The following PMPCA variants were observed in gnomAD, a reference collection of about 807,000 sequenced individuals.
PMPCA encodes mitochondrial-processing peptidase subunit alpha.
A neutral mutation model predicts 59.3 loss-of-function variants in PMPCA; 47 were observed. The observed-to-expected ratio is 0.79, with a 90% CI of 0.63 to 1.01. The LOEUF is 1.01. Among genes scored for constraint, PMPCA ranks in the 50% least tolerant of loss-of-function variants. The pLI, the probability that PMPCA is intolerant of heterozygous loss-of-function variation, is 0.00. For synonymous variants in PMPCA, 338 were observed against 290.3 expected (o/e 1.16, Z -1.67); for missense variants, 726 against 704.5 (o/e 1.03, Z -0.34).
chr9:136,414,400 G>A (rs1835216023), intron 4 of PMPCA, among the ~76,000 whole-genome samples, 153 bp from the exon 5 acceptor site: 1 of 152,172 alleles, frequency 6.6e-6, no homozygotes, highest in South Asian at 2.1e-4. Flanking sequence ...GGTGCCCCTG[G>A]CATGCAAAGC....
At chr9:136,416,013 C>T (rs1038835350) in intron 5 of PMPCA, 8 of 541,290 alleles carry the variant, frequency 1.5e-5, no homozygotes, top group East Asian at 3.1e-5. Flanking sequence ...CCAGTGTCTT[C>T]GGTGCCTTTC....
intron 1 of PMPCA, among the ~76,000 whole-genome samples, 155 bp from the exon 2 acceptor site, chr9:136,411,842 C>A (rs1241513528): frequency 6.6e-6 from 1 of 152,224 alleles, no homozygotes; most frequent in Non-Finnish European, 1.5e-5. Context: ...TGTTGTCAGC[C>A]TCTGCTTTGT....
rs561780092 is a variant in PMPCA, at chr9:136,423,251, G to A, written c.1565G>A (p.Arg522Gln). ...SKDGRLPRTY[R>Q]LFR ...GACGGGCGCCTGCCCAGGACGTACC[G>A]GCTCTTCCGGTAGAACCGCTCCCCG... Residue 522 changes from arginine to glutamine, a missense_variant, in exon 13 of 13, where the codon CGG becomes CAG. Physicochemically the swap from Arg to Gln is conservative, Grantham distance 43. Coordinates refer to ENST00000371717, the MANE Select transcript of PMPCA (RefSeq NM_015160.3). 51 of 1,612,086 alleles carry A rather than the reference G, an allele frequency of 3.2e-5. No individual in the cohort carries two copies. In the African/African-American group the frequency reaches 3.5e-4, roughly 11 times the overall value.
At chr9:136,411,891 G>C in intron 1 of PMPCA, 106 bp from the exon 2 acceptor site, 1 of 715,904 alleles carries the variant, frequency 1.4e-6, no homozygotes, top group Middle Eastern at 3.7e-4. Context: ...TAGAAAGGCA[G>C]ATGCTCACTT....
rs767384133 is a variant in PMPCA, at chr9:136,410,715, G to C, written c.47G>C (p.Gly16Ala). ...LAATRLLRGS[G>A]SWGCSRLRFG... Reference sequence around the variant, plus strand: ...GCGACGCGGTTGCTGCGGGGCTCGGGTTCTTGGGGCTGTTCGCGGCTGAGG... The same window carrying C: ...GCGACGCGGTTGCTGCGGGGCTCGGCTTCTTGGGGCTGTTCGCGGCTGAGG... The change falls in exon 1 of 13, where the codon GGT (glycine) becomes GCT (alanine). Residue 16 changes from glycine (G) to alanine (A), a missense_variant. Transcript: ENST00000371717. 3 of 1,428,006 alleles carry C rather than the reference G, an allele frequency of 2.1e-6. No homozygotes were observed. Among genetic ancestry groups the C allele is most frequent in the Non-Finnish European group, 2.7e-6 (3 of 1,095,386 alleles). 88.5% of individuals were successfully genotyped at this position (1,428,006 alleles called of 1,614,324 possible). A position where few individuals can be genotyped will look rare whatever the true frequency, so the allele number is the denominator to read the frequency against.
chr9:136,413,399 G>C (rs1055242775), intron 4 of PMPCA, among the ~76,000 whole-genome samples: 3 of 152,048 alleles, frequency 2.0e-5, no homozygotes, highest in African/African-American at 7.3e-5. Context: ...GTGTTGCCTC[G>C]AGCACAGTGC....
chr9:136,421,035 C>CTGCCTG (rs1222631169), intron 11 of PMPCA: 3 of 152,272 alleles, frequency 2.0e-5, no homozygotes, highest in Non-Finnish European at 4.4e-5. Flanking sequence ...CACAGCACCC[C>CTGCCTG]TGCCTGTGCC....
At chr9:136,422,341 C>T (rs544949926) in intron 12 of PMPCA, 391 of 1,165,616 alleles carry the variant, frequency 3.4e-4, no homozygotes, top group Non-Finnish European at 4.0e-4. Context: ...CTCGGAATGC[C>T]GCTGTACCGT....
intron 12 of PMPCA, 75 bp downstream of exon 12, chr9:136,422,051 C>T (rs563111031): frequency 6.4e-7 from 1 of 1,552,548 alleles, no homozygotes; most frequent in African/African-American, 1.4e-5. Context: ...CGCCCTCCCG[C>T]AGGCCGTGGT....
intron 11 of PMPCA, chr9:136,420,802 G>C (rs1465129282): frequency 6.6e-6 from 1 of 152,144 alleles, no homozygotes; most frequent in Non-Finnish European, 1.5e-5. Context: ...TAAAAGAAAT[G>C]GTATAGAGGC....
chr9:136,423,292 G>A lies in PMPCA; in HGVS notation c.*28G>A. On this transcript the variant is annotated 3_prime_UTR_variant, in exon 13 of 13. Transcript: ENST00000371717. ...CCGCTCCCCGGCCTGACAGACCCAGGGAGCTGCAGCTGGAGCCCGTTCCCG... is the reference window on the plus strand; with the variant it reads ...CCGCTCCCCGGCCTGACAGACCCAGAGAGCTGCAGCTGGAGCCCGTTCCCG... 6.3e-7 allele frequency: 1 copy of A among 1,594,940 alleles called. No individual in the cohort carries two copies. Among genetic ancestry groups the A allele is most frequent in the Non-Finnish European group, 8.6e-7 (1 of 1,169,080 alleles).
Position 136,416,377 on chromosome 9 carries a change from G to A in PMPCA, c.619G>A (p.Glu207Lys), listed in dbSNP as rs1268069725. The A allele has an allele frequency of 3.1e-6, 5 of 1,611,680 alleles. No individual in the cohort carries two copies. Among genetic ancestry groups the A allele is most frequent in the East Asian group, 2.2e-5 (1 of 44,882 alleles). ...LRPDPEPLLT[E>K]MIHEAAYREN... ...GCCTGACCCAGAGCCACTTCTCACCGAGATGATTCATGAAGTAAAATGTCA... is the reference window on the plus strand; with the variant it reads ...GCCTGACCCAGAGCCACTTCTCACCAAGATGATTCATGAAGTAAAATGTCA... Residue 207 changes from glutamate to lysine, a missense_variant, in exon 6 of 13, where the codon GAG becomes AAG. By Grantham distance (56) the Glu-to-Lys change is moderately conservative (BLOSUM62 1). Transcript: ENST00000371717.
In PMPCA at chr9:136,412,794, TA is replaced by T. The variant is rs761936198; in HGVS notation, c.355-15del. ...CCTGGATTGCTTATTTAGGTTTCCTTATTTATTTTTACTAGTCTACTGCTCG... is the reference window on the plus strand; with the variant it reads ...CCTGGATTGCTTATTTAGGTTTCCTTTTTATTTTTACTAGTCTACTGCTCG... On this transcript the variant is annotated splice_polypyrimidine_tract_variant and intron_variant, in intron 3 of 12. Transcript: ENST00000371717. 22 of 1,512,348 alleles carry T rather than the reference TA, an allele frequency of 1.5e-5. No homozygotes were observed. In the African/African-American group the frequency reaches 2.6e-4, roughly 18 times the overall value. The allele number at this position is 1,512,348 out of a possible 1,614,324, so 93.7% of individuals were successfully genotyped here.
intron 5 of PMPCA, among the ~76,000 whole-genome samples, chr9:136,415,016 A>T (rs562230881): frequency 6.6e-6 from 1 of 152,232 alleles, no homozygotes; most frequent in South Asian, 2.1e-4. Context: ...TGAGCCTGGG[A>T]GGTTGAGGCT....
chr9:136,411,931 C>G, intron 1 of PMPCA, 66 bp from the exon 2 acceptor site: 1 of 898,258 alleles, frequency 1.1e-6, no homozygotes, highest in Non-Finnish European at 1.8e-6. Flanking sequence ...ACTAACCGCA[C>G]CTAACAGGTC....
In PMPCA at chr9:136,415,258, A is replaced by AT. The variant is rs1434241854; in HGVS notation, c.532+611_532+612insT. Among the ~76,000 whole-genome samples, 3 of 152,316 alleles carry AT rather than the reference A, an allele frequency of 2.0e-5. No homozygotes were observed. The East Asian group carries it at 5.8e-4, about 29-fold the overall frequency. ...CTGTTCTCCACAAAAAGGAAAAAAA[A>AT]CCCACTGGTGATTGTAAAAGTCCTT... is the stretch of plus-strand genomic sequence containing the variant. On this transcript the variant is annotated intron_variant, in intron 5 of 12. Transcript: ENST00000371717.
At chr9:136,419,808 C>T (rs1362488100) in intron 11 of PMPCA, 2 of 152,726 alleles carry the variant, frequency 1.3e-5, no homozygotes, top group Non-Finnish European at 2.9e-5. Context: ...GTCTTAAACT[C>T]CTGACCTCAA....
At chr9:136,416,459 G>A (rs1375659796) in intron 6 of PMPCA, 68 bp downstream of exon 6, 2 of 1,133,296 alleles carry the variant, frequency 1.8e-6, no homozygotes, top group Non-Finnish European at 1.3e-6. Context: ...AGGGGTGGTG[G>A]GGAGGGTGCC....
At position 136,423,374 on chromosome 9, in the gene PMPCA, T is replaced by C. The variant is rs773924458; in HGVS notation, c.*110T>C. ...AAAAGCTGTCTGGTTGTATAAACGG[T>C]GCAAACAATGTCGCCACAGCACCCA... is the stretch of plus-strand genomic sequence containing the variant. On this transcript the variant is annotated 3_prime_UTR_variant, in exon 13 of 13. Coordinates refer to ENST00000371717, the MANE Select transcript of PMPCA (RefSeq NM_015160.3). 4.3e-5 allele frequency: 49 copies of C among 1,128,094 alleles called. No individual in the cohort carries two copies. The highest frequency in any genetic ancestry group is 1.8e-4 in the Admixed American group (7 of 38,648). The allele number at this position is 1,128,094 out of a possible 1,614,324, so 69.9% of individuals were successfully genotyped here.
Sources: gnomAD v4.1 joint callset for allele counts (sites outside exome capture counted in the v4.1 genomes callset) on GRCh38, gnomAD v4.1.1 for gene constraint, MANE v1.5 for transcripts, NCBI Gene and HGNC (gene_info 2026-07-23, HGNC 2026-07-21) for gene names.